ELMO1: variants seen among roughly 807,000 people sequenced by gnomAD.
The protein encoded by ELMO1 is engulfment and cell motility protein 1.
ELMO1 carries 26 observed loss-of-function variants against 98.9 expected under a neutral mutation model. The ratio of observed to expected loss-of-function variants is 0.26; its 90% CI spans 0.19 to 0.36. The LOEUF (loss-of-function observed/expected upper bound fraction) is 0.36, where lower values mean the gene tolerates loss of function less well. Among genes scored for constraint, ELMO1 ranks in the 10% least tolerant of loss-of-function variants. ELMO1 has a pLI of 1.00. For synonymous variants in ELMO1, 346 were observed against 346.0 expected (o/e 1.00, Z 0.00); for missense variants, 627 against 935.2 (o/e 0.67, Z 4.30).
chr7:37,200,534 A>T (rs1431910039), intron 13 of ELMO1, among the ~76,000 whole-genome samples: 1 of 152,162 alleles, frequency 6.6e-6, no homozygotes, highest in Non-Finnish European at 1.5e-5. Flanking sequence ...TCCTCTCTTC[A>T]CCTGTGACGA....
At chr7:36,941,535 A>G (rs983488665) in intron 16 of ELMO1, among the ~76,000 whole-genome samples, 1 of 152,216 alleles carries the variant, frequency 6.6e-6, no homozygotes, top group African/African-American at 2.4e-5. Flanking sequence ...CACCTTCTTA[A>G]ACCTAGCATT....
At chr7:37,240,833 C>T (rs1025112167) in intron 7 of ELMO1, among the ~76,000 whole-genome samples, 1 of 152,114 alleles carries the variant, frequency 6.6e-6, no homozygotes, top group Admixed American at 6.5e-5. Flanking sequence ...GATCAAAGAA[C>T]ATAATCTGTG....
intron 4 of ELMO1, among the ~76,000 whole-genome samples, chr7:37,278,339 A>C (rs1277296862): frequency 6.6e-6 from 1 of 152,010 alleles, no homozygotes; most frequent in Non-Finnish European, 1.5e-5. Context: ...ATAAATTGAA[A>C]GGCCTTAAAA....
intron 5 of ELMO1, chr7:37,271,610 G>T: frequency 3.8e-6 from 2 of 521,344 alleles, no homozygotes; most frequent in South Asian, 5.8e-5. Flanking sequence ...TGGGCCGCAG[G>T]TTAGACAAGC....
At chr7:37,058,107 G>A (rs1030230483) in intron 15 of ELMO1, among the ~76,000 whole-genome samples, 5 of 152,214 alleles carry the variant, frequency 3.3e-5, no homozygotes, top group Admixed American at 2.6e-4. Context: ...CTCACACACA[G>A]TGTACATATG....
rs528712740 is a variant in ELMO1, at chr7:37,428,660, C to T, written c.-74+20015G>A. On this transcript the variant is annotated intron_variant, in intron 1 of 21. Coordinates refer to ENST00000310758, the MANE Select transcript of ELMO1 (RefSeq NM_014800.11). ...CACCACGTCTTCAGAAATGCAAAGA[C>T]CCAACAGATGAAAGAAGAGCAATCC... 1.2e-4 allele frequency among the ~76,000 whole-genome samples: 19 copies of T among 152,326 alleles called. No homozygotes were observed. In the South Asian group the frequency reaches 3.7e-3, roughly 30 times the overall value.
rs1473234115 is a variant in ELMO1, at chr7:36,892,779, C to CT, written c.1601+2074dup. Among the ~76,000 whole-genome samples the CT allele has an allele frequency of 7.9e-5, 12 of 152,198 alleles. 1 individual carries two copies. The highest frequency in any genetic ancestry group is 7.9e-4 in the Admixed American group (12 of 15,280). On this transcript the variant is annotated intron_variant, in intron 17 of 21. Transcript: ENST00000310758. ...ATCAAACTGGTCCCTGGCCCACCTG[C>CT]TTAAATGCTGTGGCTCCTAACCACT...
chr7:36,887,291 G>A (rs779266376), intron 18 of ELMO1, among the ~76,000 whole-genome samples: 18 of 152,200 alleles, frequency 1.2e-4, no homozygotes, highest in Admixed American at 7.9e-4. Context: ...GCTCATATAC[G>A]TGTCAGCTAT....
Position 37,418,849 on chromosome 7 carries a change from G to A in ELMO1, c.-74+29826C>T, listed in dbSNP as rs1052478850. On this transcript the variant is annotated intron_variant, in intron 1 of 21. Coordinates refer to ENST00000310758, the MANE Select transcript of ELMO1 (RefSeq NM_014800.11). ...TTCTGCAGTGAAGGGGCAGTGAGGCGAGATGGGGATGGTAAGAGTCAAGTG... is the reference window on the plus strand; with the variant it reads ...TTCTGCAGTGAAGGGGCAGTGAGGCAAGATGGGGATGGTAAGAGTCAAGTG... Among the ~76,000 whole-genome samples the A allele has an allele frequency of 2.6e-5, 4 of 152,212 alleles. No homozygotes were observed. The East Asian group carries it at 5.8e-4, about 22-fold the overall frequency.
At chr7:36,928,207 T>C (rs914805505) in intron 16 of ELMO1, among the ~76,000 whole-genome samples, 2 of 152,222 alleles carry the variant, frequency 1.3e-5, no homozygotes, top group Non-Finnish European at 2.9e-5. Flanking sequence ...ATCTTCCCTC[T>C]TCATGAGAAA....
intron 1 of ELMO1, among the ~76,000 whole-genome samples, chr7:37,375,183 G>T (rs1484551841): frequency 6.6e-6 from 1 of 152,130 alleles, no homozygotes; most frequent in African/African-American, 2.4e-5. Flanking sequence ...TCAAGAGAAG[G>T]CATAATCATA....
intron 2 of ELMO1, among the ~76,000 whole-genome samples, chr7:37,322,622 CAA>C (rs574986239): frequency 1.3e-4 from 17 of 128,720 alleles, no homozygotes; most frequent in Admixed American, 2.3e-4. Context: ...ACTCTCTCTC[CAA>C]AAAAAAAAAA....
chr7:37,173,157 C>T (rs1349818914), intron 13 of ELMO1, among the ~76,000 whole-genome samples: 1 of 152,214 alleles, frequency 6.6e-6, no homozygotes, highest in Non-Finnish European at 1.5e-5. Context: ...TCTGCAACTG[C>T]ACAGAATTTA....
chr7:36,860,321 CAGTTCTGGGAGGTCTCTCCGTGCTCATT>C (rs1236425135), intron 21 of ELMO1, among the ~76,000 whole-genome samples: 3 of 152,152 alleles, frequency 2.0e-5, no homozygotes, highest in Non-Finnish European at 4.4e-5. Context: ...TTGAGGTATT[CAGTTCTGGGAGGTCTCTCCGTGCTCATT>C]TGATAAATGA....
At chr7:37,001,854 G>A (rs1360097969) in intron 16 of ELMO1, among the ~76,000 whole-genome samples, 1 of 152,142 alleles carries the variant, frequency 6.6e-6, no homozygotes, top group Non-Finnish European at 1.5e-5. Flanking sequence ...TCTTGCTGAG[G>A]CCACAAAATT....
chr7:37,199,851 C>G (rs1442288427), intron 13 of ELMO1, among the ~76,000 whole-genome samples: 1 of 152,188 alleles, frequency 6.6e-6, no homozygotes, highest in Non-Finnish European at 1.5e-5. Context: ...CTTGATCTCT[C>G]TGCACCCCTA....
intron 13 of ELMO1, among the ~76,000 whole-genome samples, chr7:37,170,484 G>T: frequency 6.6e-6 from 1 of 152,204 alleles, no homozygotes; most frequent in East Asian, 1.9e-4. Context: ...GCAACAGTCA[G>T]AATTGTGTTA....
chr7:36,886,234 T>C (rs1363196510), intron 18 of ELMO1, among the ~76,000 whole-genome samples: 4 of 152,176 alleles, frequency 2.6e-5, no homozygotes, highest in Non-Finnish European at 5.9e-5. Flanking sequence ...ACTCTGCCCA[T>C]TGTCCTCTCC....
chr7:37,262,459 T>C (rs1377240372), intron 5 of ELMO1, among the ~76,000 whole-genome samples: 1 of 152,204 alleles, frequency 6.6e-6, no homozygotes, highest in Non-Finnish European at 1.5e-5. Context: ...CTCAATGGCC[T>C]GGAAAGTTCC....
Sources: gnomAD v4.1 joint callset for allele counts (sites outside exome capture counted in the v4.1 genomes callset) on GRCh38, gnomAD v4.1.1 for gene constraint, MANE v1.5 for transcripts, NCBI Gene and HGNC (gene_info 2026-07-23, HGNC 2026-07-21) for gene names.